CAMKK2: variants seen among roughly 807,000 people sequenced by gnomAD.
CAMKK2 encodes calcium/calmodulin-dependent protein kinase kinase 2.
CAMKK2 carries 30 observed loss-of-function variants against 67.2 expected under a neutral mutation model. The observed-to-expected ratio is 0.45, with a 90% CI of 0.33 to 0.61. The LOEUF is 0.61. CAMKK2 is among the 20% of genes least tolerant of loss of function. The pLI is 0.02. For synonymous variants in CAMKK2, 322 were observed against 326.2 expected (o/e 0.99, Z 0.14); for missense variants, 643 against 802.0 (o/e 0.80, Z 2.39).
At chr12:121,262,328 C>T (rs531389950) in intron 6 of CAMKK2, among the ~76,000 whole-genome samples, 72 of 152,076 alleles carry the variant, frequency 4.7e-4, no homozygotes, top group East Asian at 1.4e-3. Context: ...CTGACTAACA[C>T]GGTGAAACCC....
chr12:121,256,390 C>G (rs910804989), intron 7 of CAMKK2, among the ~76,000 whole-genome samples: 1 of 152,048 alleles, frequency 6.6e-6, no homozygotes, highest in African/African-American at 2.4e-5. Flanking sequence ...AAAAAAATTT[C>G]TTTGAGATGA....
chr12:121,265,677 G>A (rs1482732817), intron 5 of CAMKK2, among the ~76,000 whole-genome samples: 22 of 152,028 alleles, frequency 1.4e-4, no homozygotes, highest in African/African-American at 5.1e-4. Flanking sequence ...GACCATCCTG[G>A]CCAAACCCCG....
intron 16 of CAMKK2, among the ~76,000 whole-genome samples, chr12:121,242,804 G>A (rs1351979379): frequency 2.0e-5 from 3 of 151,958 alleles, no homozygotes; most frequent in Non-Finnish European, 2.9e-5. Flanking sequence ...GTGCTGTGGC[G>A]CAATCTCGGC....
chr12:121,241,591 C>T (rs979095959), intron 16 of CAMKK2, among the ~76,000 whole-genome samples: 17 of 152,370 alleles, frequency 1.1e-4, no homozygotes, highest in Admixed American at 9.8e-4. Context: ...TCACCACCAT[C>T]ACACAGCTCC....
chr12:121,281,445 G>T (rs941005546), intron 1 of CAMKK2, among the ~76,000 whole-genome samples: 3 of 152,216 alleles, frequency 2.0e-5, no homozygotes, highest in Admixed American at 2.0e-4. Flanking sequence ...TGTCCTCCTT[G>T]GGAAAATGGG....
In CAMKK2 at chr12:121,274,201, AGCC is replaced by A; in HGVS notation, c.323_325del (p.Gly108_Leu109delinsVal). ...CATGTCCAGGCTGCCACCGGCTGCC[AGCC>A]CACCCTGGGACCGCTCTTGCAGAGA... On this transcript the variant is annotated inframe_deletion, in exon 2 of 17. Transcript: ENST00000404169. 1 of 1,602,536 alleles carries A rather than the reference AGCC, an allele frequency of 6.2e-7. No homozygotes were observed. The highest frequency in any genetic ancestry group is 8.5e-7 in the Non-Finnish European group (1 of 1,172,510).
At chr12:121,295,255 C>G (rs771884656) in intron 1 of CAMKK2, among the ~76,000 whole-genome samples, 1 of 152,192 alleles carries the variant, frequency 6.6e-6, no homozygotes, top group Non-Finnish European at 1.5e-5. Flanking sequence ...ATATGTTTTG[C>G]GTCCTCATCA....
chr12:121,260,264 G>A (rs1313958992), intron 7 of CAMKK2, 55 bp downstream of exon 7: 6 of 1,479,212 alleles, frequency 4.1e-6, no homozygotes, highest in African/African-American at 1.4e-5. Flanking sequence ...GGACCCCTGG[G>A]CATTGGCAGG....
intron 1 of CAMKK2, among the ~76,000 whole-genome samples, chr12:121,294,146 T>A (rs1212051269): frequency 1.3e-5 from 2 of 152,116 alleles, no homozygotes; most frequent in Non-Finnish European, 2.9e-5. Flanking sequence ...TTGGCCAGGC[T>A]GGTCTCGAAC....
chr12:121,257,024 A>G (rs1892435462), intron 7 of CAMKK2, among the ~76,000 whole-genome samples: 2 of 151,544 alleles, frequency 1.3e-5, no homozygotes, highest in Non-Finnish European at 1.5e-5. Context: ...AGGAAGTTAA[A>G]AAAAAAAAGA....
Position 121,253,478 on chromosome 12 carries a change from G to T in CAMKK2, c.908-6C>A, listed in dbSNP as rs376960960. On this transcript the variant is annotated splice_polypyrimidine_tract_variant and splice_region_variant and intron_variant, in intron 9 of 16. Transcript: ENST00000404169. The surrounding 1 kb of genome is among the most constrained non-coding windows in gnomAD (Gnocchi z 5.0). ...GATGATCTTCTGGTAGTGTACTGGGGAGGCGTAGACAGCAGGTGGGAGATA... is the reference window on the plus strand; with the variant it reads ...GATGATCTTCTGGTAGTGTACTGGGTAGGCGTAGACAGCAGGTGGGAGATA... The T allele has an allele frequency of 5.6e-6, 9 of 1,613,884 alleles. No homozygotes were observed. The African/African-American group carries it at 9.3e-5, about 17-fold the overall frequency.
chr12:121,276,626 A>G (rs1314610092), intron 1 of CAMKK2, among the ~76,000 whole-genome samples: 1 of 152,166 alleles, frequency 6.6e-6, no homozygotes, highest in Non-Finnish European at 1.5e-5. Context: ...ATTTGTGGAC[A>G]GACACCTGTG....
intron 14 of CAMKK2, among the ~76,000 whole-genome samples, chr12:121,246,169 G>T (rs552101631): frequency 6.8e-6 from 1 of 147,684 alleles, no homozygotes; most frequent in South Asian, 2.1e-4. Context: ...ATAATTGCAT[G>T]TCACTGTGAA....
chr12:121,272,830 G>A (rs959020889), intron 2 of CAMKK2, among the ~76,000 whole-genome samples: 4 of 151,958 alleles, frequency 2.6e-5, no homozygotes, highest in African/African-American at 7.2e-5. Context: ...CCAAAATCAC[G>A]CAACTGCACT....
chr12:121,283,461 A>T (rs1369362198), intron 1 of CAMKK2, among the ~76,000 whole-genome samples: 1 of 152,126 alleles, frequency 6.6e-6, no homozygotes, highest in Non-Finnish European at 1.5e-5. Context: ...TAGAACAAAA[A>T]CGTTGCAAAT....
chr12:121,251,870 C>T (rs1431523299), intron 11 of CAMKK2, among the ~76,000 whole-genome samples: 1 of 149,440 alleles, frequency 6.7e-6, no homozygotes, highest in Non-Finnish European at 1.5e-5. Context: ...CCCCAGATAT[C>T]AATAATAACA....
In CAMKK2 at chr12:121,253,223, A is replaced by C; in HGVS notation, c.1107+50T>G. On this transcript the variant is annotated intron_variant, in intron 10 of 16. Transcript: ENST00000404169. This position sits in a 1 kb window ranked among gnomAD's most constrained non-coding sequence, Gnocchi z 5.0. ...TGGGTTTCTGCTGCTTACAATCCAG[A>C]AGACACTAACACAGGCAGAACTCTG... 1 of 1,528,578 alleles carries C rather than the reference A, an allele frequency of 6.5e-7. No homozygotes were observed. 94.7% of individuals were successfully genotyped at this position (1,528,578 alleles called of 1,614,324 possible).
chr12:121,293,170 G>A (rs1217668040), intron 1 of CAMKK2, among the ~76,000 whole-genome samples: 2 of 151,998 alleles, frequency 1.3e-5, no homozygotes, highest in East Asian at 1.9e-4. Flanking sequence ...CCAGCCACTC[G>A]GGAGGCTGAG....
At chr12:121,278,013 G>A (rs760748451) in intron 1 of CAMKK2, among the ~76,000 whole-genome samples, 13 of 152,132 alleles carry the variant, frequency 8.5e-5, no homozygotes, top group Non-Finnish European at 1.8e-4. Flanking sequence ...GAAAATACCT[G>A]TAACCATGAT....
Sources: allele counts gnomAD v4.1 joint callset (sites outside exome capture counted in the v4.1 genomes callset), GRCh38; gene constraint gnomAD v4.1.1; non-coding constraint Gnocchi (gnomAD v3.1); transcripts MANE v1.5; gene names NCBI Gene and HGNC (gene_info 2026-07-23, HGNC 2026-07-21).